PCDH11X: variants seen among roughly 807,000 people sequenced by gnomAD.
PCDH11X encodes the protein protocadherin 11 X-linked.
A neutral mutation model predicts 53.3 loss-of-function variants in PCDH11X; 18 were observed. The ratio of observed to expected loss-of-function variants is 0.34; its 90% CI spans 0.23 to 0.50. The LOEUF (loss-of-function observed/expected upper bound fraction) is 0.50, where lower values mean the gene tolerates loss of function less well. Among genes scored for constraint, PCDH11X ranks in the 20% least tolerant of loss-of-function variants. PCDH11X has a pLI of 0.98. For missense variants in PCDH11X, 570 were observed against 1,032.4 expected, an observed-to-expected ratio of 0.55 and a Z score of 6.14; for synonymous variants, 279 against 393.3, an observed-to-expected ratio of 0.71 and a Z score of 3.44.
chrX:91,966,502 T>G (rs978979765), intron 6 of PCDH11X, among the ~76,000 whole-genome samples: 12 of 100,977 alleles, frequency 1.2e-4, no homozygotes, highest in African/African-American at 4.2e-4. Context: ...CTGTCGGGGG[T>G]GGGGGCTGGG....
At position 92,618,738 on chromosome X, in the gene PCDH11X, G is replaced by T. The variant is rs1284786013; in HGVS notation, c.3842G>T (p.Gly1281Val). Residue 1281 changes from glycine (G) to valine (V), a missense_variant, in exon 11 of 11, where the codon GGT becomes GTT. Gly to Val is a moderately radical substitution (Grantham distance 109). Coordinates refer to ENST00000682573, the MANE Select transcript of PCDH11X (RefSeq NM_032968.5). ...QAQSSVSLQQ[G>V]WVQGADGLCS... is the part of the protein sequence containing the mutation. Reference sequence around the variant, plus strand: ...CAATCATCAGTCAGTTTGCAGCAAGGTTGGGTGCAAGGTGCTGATGGGCTA... The same window carrying T: ...CAATCATCAGTCAGTTTGCAGCAAGTTTGGGTGCAAGGTGCTGATGGGCTA... The T allele has an allele frequency of 8.3e-7, 1 of 1,212,016 alleles. No homozygotes were observed. Among genetic ancestry groups the T allele is most frequent in the Admixed American group, 2.2e-5 (1 of 46,073 alleles).
intron 10 of PCDH11X, among the ~76,000 whole-genome samples, chrX:92,548,674 G>A (rs919570293): frequency 9.1e-6 from 1 of 109,566 alleles, no homozygotes; most frequent in African/African-American, 3.3e-5. Context: ...CTCCCACAAT[G>A]CTATAGAAAG....
At chrX:92,508,195 A>G (rs2074098668) in intron 10 of PCDH11X, among the ~76,000 whole-genome samples, 1 of 105,159 alleles carries the variant, frequency 9.5e-6, no homozygotes, top group East Asian at 3.1e-4. Flanking sequence ...TCTGCAGTTA[A>G]GATAGTAACT....
chrX:92,488,398 T>C (rs1232027263), intron 10 of PCDH11X, among the ~76,000 whole-genome samples: 1 of 110,766 alleles, frequency 9.0e-6, no homozygotes, highest in Non-Finnish European at 1.9e-5. Context: ...AGAAGGTTTT[T>C]AATAAATATT....
intron 10 of PCDH11X, among the ~76,000 whole-genome samples, chrX:92,536,653 C>CTTT (rs57786279): frequency 3.0e-3 from 149 of 49,795 alleles, no homozygotes; most frequent in Non-Finnish European, 4.7e-3. Flanking sequence ...GGATAAAAGC[C>CTTT]TTTTTTTTTT....
At chrX:92,380,305 C>T (rs1448817731) in intron 8 of PCDH11X, among the ~76,000 whole-genome samples, 1 of 109,842 alleles carries the variant, frequency 9.1e-6, no homozygotes, top group Non-Finnish European at 1.9e-5. Flanking sequence ...CTCACACACC[C>T]CTCTCCTCCC....
intron 10 of PCDH11X, among the ~76,000 whole-genome samples, chrX:92,498,304 G>A (rs1159062287): frequency 1.8e-5 from 2 of 110,099 alleles, no homozygotes; most frequent in South Asian, 3.9e-4. Context: ...AAAGTATAAT[G>A]GTAACTTGCA....
intron 8 of PCDH11X, among the ~76,000 whole-genome samples, chrX:92,266,264 T>C (rs926395566): frequency 4.5e-5 from 5 of 112,283 alleles, no homozygotes; most frequent in African/African-American, 1.6e-4. Flanking sequence ...AGTCTTTTTA[T>C]GAATTATAAA....
At chrX:91,919,893 T>G (rs927685006) in intron 6 of PCDH11X, among the ~76,000 whole-genome samples, 1 of 111,764 alleles carries the variant, frequency 8.9e-6, no homozygotes, top group African/African-American at 3.2e-5. Flanking sequence ...TAACTTTTCA[T>G]AAATTAACGT....
At chrX:92,169,308 C>T (rs2065784903) in intron 6 of PCDH11X, among the ~76,000 whole-genome samples, 1 of 58,557 alleles carries the variant, frequency 1.7e-5, no homozygotes, top group Non-Finnish European at 3.8e-5. Flanking sequence ...CAAAAAAATG[C>T]TTTATCTCCA....
intron 10 of PCDH11X, among the ~76,000 whole-genome samples, chrX:92,563,961 G>C (rs1921144007): frequency 1.8e-5 from 2 of 110,162 alleles, no homozygotes; most frequent in South Asian, 7.8e-4. Flanking sequence ...GAAATCAATA[G>C]CATTTCTATA....
At chrX:91,824,926 A>G (rs1441649170) in intron 4 of PCDH11X, among the ~76,000 whole-genome samples, 1 of 107,563 alleles carries the variant, frequency 9.3e-6, no homozygotes, top group Non-Finnish European at 1.9e-5. Context: ...CTGTCGGAGT[A>G]CCCTGCAGTG....
At chrX:92,265,119 G>A (rs1013391116) in intron 8 of PCDH11X, among the ~76,000 whole-genome samples, 21 of 109,458 alleles carry the variant, frequency 1.9e-4, no homozygotes, top group African/African-American at 6.3e-4. Context: ...AGGCTGGAGT[G>A]CAATGGCACG....
chrX:91,788,929 G>T (rs1935421936), intron 1 of PCDH11X, among the ~76,000 whole-genome samples: 1 of 111,993 alleles, frequency 8.9e-6, no homozygotes, highest in South Asian at 3.7e-4. Context: ...GCTGGTCGCA[G>T]CGGCTCACGC....
chrX:92,434,530 C>G (rs1256362408), intron 9 of PCDH11X, among the ~76,000 whole-genome samples: 1 of 110,450 alleles, frequency 9.1e-6, no homozygotes, highest in Non-Finnish European at 1.9e-5. Flanking sequence ...TAGAGCCACA[C>G]TCAAAATTTA....
intron 6 of PCDH11X, among the ~76,000 whole-genome samples, chrX:92,140,083 A>C (rs1175131298): frequency 9.1e-6 from 1 of 109,720 alleles, no homozygotes; most frequent in Non-Finnish European, 1.9e-5. Flanking sequence ...TAAATAAACA[A>C]TATTTTCAAA....
At chrX:92,305,744 A>G (rs2148475165) in intron 8 of PCDH11X, among the ~76,000 whole-genome samples, 1 of 111,144 alleles carries the variant, frequency 9.0e-6, no homozygotes, top group East Asian at 2.8e-4. Context: ...TGGCATATGC[A>G]TATGTGTTAC....
chrX:92,280,222 G>A (rs926133000), intron 8 of PCDH11X, among the ~76,000 whole-genome samples: 8 of 111,738 alleles, frequency 7.2e-5, no homozygotes, highest in African/African-American at 1.3e-4. Flanking sequence ...TTTGCACAAT[G>A]AAGACATTGC....
chrX:92,341,440 G>A (rs1803093259), intron 8 of PCDH11X, among the ~76,000 whole-genome samples: 1 of 111,753 alleles, frequency 8.9e-6, no homozygotes, highest in Non-Finnish European at 1.9e-5. Context: ...AAATACCAGA[G>A]ACTGGGTAAT....
Sources: allele counts gnomAD v4.1 joint callset (sites outside exome capture counted in the v4.1 genomes callset), GRCh38; gene constraint gnomAD v4.1.1; transcripts MANE v1.5; gene names NCBI Gene and HGNC (gene_info 2026-07-23, HGNC 2026-07-21).